ATXN1: variants seen among roughly 807,000 people sequenced by gnomAD.
The protein encoded by ATXN1 is ataxin 1.
Under a neutral mutation model 56.4 loss-of-function variants are expected in ATXN1, and 8 were observed. That is an observed-to-expected ratio of 0.14 (90% CI 0.08 to 0.26). ATXN1 has a LOEUF of 0.26. ATXN1 is among the 10% of genes least tolerant of loss of function. The pLI is 1.00. For missense variants in ATXN1, 987 were observed against 1,106.5 expected, an observed-to-expected ratio of 0.89 and a Z score of 1.53; for synonymous variants, 514 against 494.6, an observed-to-expected ratio of 1.04 and a Z score of -0.52.
At chr6:16,472,140 A>T (rs968541078) in intron 6 of ATXN1, among the ~76,000 whole-genome samples, 1 of 152,184 alleles carries the variant, frequency 6.6e-6, no homozygotes, top group Non-Finnish European at 1.5e-5. Context: ...GTGAAATAAC[A>T]CGCAGGTGGC....
At chr6:16,680,600 C>T (rs1038930029) in intron 2 of ATXN1, among the ~76,000 whole-genome samples, 9 of 152,280 alleles carry the variant, frequency 5.9e-5, no homozygotes, top group Middle Eastern at 3.4e-3. Flanking sequence ...GGGCAGGTTC[C>T]AGAAAACAAG....
intron 2 of ATXN1, among the ~76,000 whole-genome samples, chr6:16,719,289 C>G (rs76344901): frequency 6.6e-6 from 1 of 152,132 alleles, no homozygotes; most frequent in Admixed American, 6.5e-5. Context: ...ATACATTCCC[C>G]CAAAGCACAG....
At chr6:16,457,786 A>G (rs557258333) in intron 6 of ATXN1, among the ~76,000 whole-genome samples, 81 of 152,326 alleles carry the variant, frequency 5.3e-4, no homozygotes, top group African/African-American at 1.5e-3. Context: ...CCTTCCTATT[A>G]ATGATGAGCC....
At chr6:16,391,222 A>T (rs1259418754) in intron 6 of ATXN1, among the ~76,000 whole-genome samples, 10 of 151,382 alleles carry the variant, frequency 6.6e-5, no homozygotes, top group Admixed American at 6.6e-4. Flanking sequence ...AACACTATTC[A>T]GATGAAAACT....
At chr6:16,758,559 A>G (rs1760957657) in intron 1 of ATXN1, among the ~76,000 whole-genome samples, 2 of 152,340 alleles carry the variant, frequency 1.3e-5, no homozygotes, top group African/African-American at 4.8e-5. Flanking sequence ...AGAAGATGCA[A>G]TTGAAATAGT....
At position 16,327,657 on chromosome 6, in the gene ATXN1, C is replaced by CTGCTGCTGA. The variant is rs1561852846; in HGVS notation, c.653_654insTCAGCAGCA (p.Gln217_Gln218insHisGlnGln). ...GGTGCTGCTGCTGCTGCTGCTGCTG[C>CTGCTGCTGA]TGCTGCTGCTGCTGCTGCTGATGCT... On this transcript the variant is annotated inframe_insertion, in exon 7 of 8. Transcript: ENST00000436367. The CTGCTGCTGA allele has an allele frequency of 1.2e-5, 18 of 1,554,268 alleles. No individual in the cohort carries two copies. In the East Asian group the frequency reaches 2.5e-4, roughly 22 times the overall value.
In ATXN1 at chr6:16,513,461, C is replaced by T. The variant is rs191396588; in HGVS notation, c.-299+9166G>A. Among the ~76,000 whole-genome samples, 10 of 152,320 alleles carry T rather than the reference C, an allele frequency of 6.6e-5. No individual in the cohort carries two copies. The East Asian group carries it at 1.3e-3, about 21-fold the overall frequency. On this transcript the variant is annotated intron_variant, in intron 5 of 7. Transcript: ENST00000436367. ...ATTACTGTTGACTTCCACCTTTTCC[C>T]TGTAACACAATACATTACAATCTAT...
intron 5 of ATXN1, among the ~76,000 whole-genome samples, chr6:16,516,264 C>A (rs1196536693): frequency 6.6e-6 from 1 of 152,174 alleles, no homozygotes; most frequent in African/African-American, 2.4e-5. Flanking sequence ...GCTACAACAC[C>A]ATCAGGAGCA....
At chr6:16,486,847 G>A (rs1189520307) in intron 5 of ATXN1, among the ~76,000 whole-genome samples, 1 of 151,992 alleles carries the variant, frequency 6.6e-6, no homozygotes, top group Non-Finnish European at 1.5e-5. Context: ...CTGAATGTTT[G>A]CGACACTGTG....
At chr6:16,592,669 G>A (rs947885362) in intron 3 of ATXN1, among the ~76,000 whole-genome samples, 2 of 152,104 alleles carry the variant, frequency 1.3e-5, no homozygotes, top group African/African-American at 2.4e-5. Context: ...TGTGTCTGGA[G>A]TTGGTTCCTT....
intron 3 of ATXN1, among the ~76,000 whole-genome samples, chr6:16,645,038 T>G (rs1763777714): frequency 6.6e-6 from 1 of 152,202 alleles, no homozygotes; most frequent in African/African-American, 2.4e-5. Context: ...TGACCTTTGA[T>G]AGCTGAAATT....
chr6:16,653,169 C>T (rs143841038), intron 3 of ATXN1, among the ~76,000 whole-genome samples: 91 of 152,282 alleles, frequency 6.0e-4, no homozygotes, highest in Non-Finnish European at 1.2e-3. Context: ...AGGGCTGGAG[C>T]CACCAGCAAG....
chr6:16,577,523 CAAAAAAAAA>C (rs61193572), intron 4 of ATXN1, among the ~76,000 whole-genome samples: 1 of 77,022 alleles, frequency 1.3e-5, no homozygotes, highest in Admixed American at 1.5e-4. Context: ...GACTCTGTCT[CAAAAAAAAA>C]AAAAAAAAAG....
At chr6:16,578,115 T>C (rs1229019617) in intron 4 of ATXN1, among the ~76,000 whole-genome samples, 1 of 152,228 alleles carries the variant, frequency 6.6e-6, no homozygotes, top group Non-Finnish European at 1.5e-5. Flanking sequence ...ATTCTGCTCA[T>C]TACATAAACA....
rs1352508108 is a variant in ATXN1, at chr6:16,327,285, C to T, written c.1026G>A (p.Leu342=). ...RRYGAPSSAD[L]GLGKAGGKSV... is the part of the protein sequence containing the mutation. ...ACTTGCCGCCTGCCTTGCCCAGGCCCAGGTCGGCTGAGGACGGGGCCCCGT... is the reference window on the plus strand; with the variant it reads ...ACTTGCCGCCTGCCTTGCCCAGGCCTAGGTCGGCTGAGGACGGGGCCCCGT... The change falls in exon 7 of 8, where the codon CTG becomes CTA. Residue 342 remains leucine (L), a synonymous_variant. Coordinates refer to ENST00000436367, the MANE Select transcript of ATXN1 (RefSeq NM_001128164.2). 1 of 1,613,426 alleles carries T rather than the reference C, an allele frequency of 6.2e-7. No individual in the cohort carries two copies. The highest frequency in any genetic ancestry group is 1.1e-5 in the South Asian group (1 of 91,062).
intron 6 of ATXN1, among the ~76,000 whole-genome samples, chr6:16,331,210 A>T (rs1581694862): frequency 1.3e-5 from 2 of 152,186 alleles, no homozygotes; most frequent in East Asian, 3.9e-4. Context: ...CATGTTGGCC[A>T]GGCTGGTCTC....
chr6:16,489,665 G>A (rs1760620529), intron 5 of ATXN1, among the ~76,000 whole-genome samples: 1 of 152,074 alleles, frequency 6.6e-6, no homozygotes, highest in African/African-American at 2.4e-5. Context: ...AGAAATGGCT[G>A]GAGAAGGCCA....
intron 5 of ATXN1, among the ~76,000 whole-genome samples, chr6:16,504,034 G>C (rs1019624891): frequency 4.6e-5 from 7 of 152,088 alleles, no homozygotes; most frequent in African/African-American, 1.7e-4. Flanking sequence ...GGGGTACCCA[G>C]GTTCTTCACT....
chr6:16,443,309 C>A (rs557939977), intron 6 of ATXN1, among the ~76,000 whole-genome samples: 3 of 146,800 alleles, frequency 2.0e-5, no homozygotes, highest in South Asian at 2.1e-4. Flanking sequence ...GAAAATAAAG[C>A]AGACAGGCAT....
Sources: allele counts gnomAD v4.1 joint callset (sites outside exome capture counted in the v4.1 genomes callset), GRCh38; gene constraint gnomAD v4.1.1; transcripts MANE v1.5; gene names NCBI Gene and HGNC (gene_info 2026-07-23, HGNC 2026-07-21).